Variants in ZMIZ2 observed in about 807,000 individuals in gnomAD.
The protein encoded by ZMIZ2 is zinc finger MIZ-type containing 2.
A neutral mutation model predicts 93.9 loss-of-function variants in ZMIZ2; 26 were observed. The ratio of observed to expected loss-of-function variants is 0.28; its 90% CI spans 0.20 to 0.38. ZMIZ2 has a LOEUF of 0.38. Ranked by LOEUF, ZMIZ2 falls within the 10% of genes least tolerant of loss-of-function variation. The probability of loss-of-function intolerance (pLI) is 1.00; values close to 1 mark genes in which losing one functional copy is unlikely to be tolerated. For missense variants in ZMIZ2, 1,023 were observed against 1,235.0 expected (o/e 0.83, Z 2.57); for synonymous variants, 485 against 516.4 (o/e 0.94, Z 0.82).
intron 7 of ZMIZ2, 27 bp downstream of exon 7, chr7:44,759,487 G>A: frequency 6.9e-7 from 1 of 1,441,178 alleles, no homozygotes; most frequent in South Asian, 1.5e-5. Context: ...CAGGCCCTGT[G>A]CCGGGCTCCG....
Position 44,765,477 on chromosome 7 carries a change from C to T in ZMIZ2, c.2140C>T (p.Pro714Ser). 6.2e-7 allele frequency: 1 copy of T among 1,602,988 alleles called. No homozygotes were observed. Among genetic ancestry groups the T allele is most frequent in the Non-Finnish European group, 8.5e-7 (1 of 1,179,788 alleles). The change falls in exon 16 of 19, where the codon CCC (proline) becomes TCC (serine). Residue 714 changes from proline to serine, a missense_variant. This residue lies in a region of ZMIZ2 where 319 missense variants were observed against 358.8 expected (regional missense o/e 0.89). Transcript: ENST00000309315. The surrounding 1 kb of genome is among the most constrained non-coding windows in gnomAD (Gnocchi z 4.1). ...RTVSPAHVLM[P>S]SVMEMIAALG... ...CGTGAGCCCCGCCCACGTGCTCATG[C>T]CCAGCGTGATGGAGATGATCGCCGC...
chr7:44,766,327 A>C lies in ZMIZ2; in HGVS notation c.2406A>C (p.Pro802=). Residue 802 remains proline, a synonymous_variant, in exon 17 of 19, where the codon CCA becomes CCC. Coordinates refer to ENST00000309315, the MANE Select transcript of ZMIZ2 (RefSeq NM_031449.4). This position sits in a 1 kb window ranked among gnomAD's most constrained non-coding sequence, Gnocchi z 4.4. ...LTSEKSTACL[P]SQMAPAGHLD... ...CAGAGAAGTCTACCGCCTGCCTCCC[A>C]AGCCAGGTCAGTGCCAAGCCGAGAG... 1 of 1,597,438 alleles carries C rather than the reference A, an allele frequency of 6.3e-7. No individual in the cohort carries two copies.
chr7:44,749,654 C>T (rs530268828), intron 1 of ZMIZ2, among the ~76,000 whole-genome samples: 35 of 152,328 alleles, frequency 2.3e-4, no homozygotes, highest in Middle Eastern at 6.8e-3. Flanking sequence ...CACCGCGGCA[C>T]CCCCACCCGG....
rs1791884660 is a variant in ZMIZ2, at chr7:44,767,982, C to T, written c.*359C>T. 5.6e-6 allele frequency: 2 copies of T among 356,986 alleles called. No individual in the cohort carries two copies. The highest frequency in any genetic ancestry group is 1.1e-5 in the Non-Finnish European group (2 of 186,706). The allele number at this position is 356,986 out of a possible 1,614,324, so 22.1% of individuals were successfully genotyped here. On this transcript the variant is annotated 3_prime_UTR_variant, in exon 19 of 19. Transcript: ENST00000309315. ...CCTTCCACCCCTGCCTGCCCCCACC[C>T]AGCCTGCTTCTTGTCCAGCATTGAT...
rs1583667733 is a variant in ZMIZ2 at position 44,767,836 on chromosome 7, A to G, written c.*213A>G. 1.7e-6 allele frequency: 1 copy of G among 590,836 alleles called. No individual in the cohort carries two copies. Among genetic ancestry groups the G allele is most frequent in the Non-Finnish European group, 3.0e-6 (1 of 331,106 alleles). The allele number at this position is 590,836 out of a possible 1,614,324, so 36.6% of individuals were successfully genotyped here. A position where few individuals can be genotyped will look rare whatever the true frequency, so the allele number is the denominator to read the frequency against. On this transcript the variant is annotated 3_prime_UTR_variant, in exon 19 of 19. Coordinates refer to ENST00000309315, the MANE Select transcript of ZMIZ2 (RefSeq NM_031449.4). The stretch of plus-strand genomic sequence containing the variant: ...GGCTCCCAGGCCGGCAGCCCTTGCC[A>G]CCTCCCTCTGCCAAGCCTGCTGCTG...
intron 5 of ZMIZ2, 59 bp downstream of exon 5, chr7:44,757,620 T>A: frequency 6.6e-7 from 1 of 1,526,058 alleles, no homozygotes; most frequent in Non-Finnish European, 8.8e-7. Flanking sequence ...TGGGAGGAGG[T>A]ACTCAGCCAG....
intron 1 of ZMIZ2, among the ~76,000 whole-genome samples, chr7:44,755,043 C>T (rs1215487030): frequency 1.3e-5 from 2 of 152,138 alleles, no homozygotes; most frequent in African/African-American, 2.4e-5. Context: ...TGTCGGAAGG[C>T]GTGGCACTCA....
chr7:44,757,728 T>G, intron 5 of ZMIZ2, 120 bp from the exon 6 acceptor site: 1 of 1,451,306 alleles, frequency 6.9e-7, no homozygotes, highest in Non-Finnish European at 9.1e-7. Flanking sequence ...GGGGAGAGGT[T>G]TCTGGGGTGT....
chr7:44,755,546 C>T (rs1332324254), intron 1 of ZMIZ2, among the ~76,000 whole-genome samples: 1 of 152,172 alleles, frequency 6.6e-6, no homozygotes, highest in South Asian at 2.1e-4. Flanking sequence ...ACTGGCCCCA[C>T]ACCCCATTTC....
rs548161213 is a variant in ZMIZ2, at chr7:44,762,580, G to A, written c.1597-301G>A. Among the ~76,000 whole-genome samples, 7 of 152,348 alleles carry A rather than the reference G, an allele frequency of 4.6e-5. No individual in the cohort carries two copies. The East Asian group carries it at 1.4e-3, about 29-fold the overall frequency. On this transcript the variant is annotated intron_variant, in intron 11 of 18. Coordinates refer to ENST00000309315, the MANE Select transcript of ZMIZ2 (RefSeq NM_031449.4). ...AGGGGGAACGTTCAAGGGGACTTGA[G>A]GTGATTCTCTTCATGGAGAAGTGGT...
At position 44,765,389 on chromosome 7, in the gene ZMIZ2, C is replaced by T. The variant is rs371659087; in HGVS notation, c.2052C>T (p.Pro684=). 694 of 1,613,308 alleles carry T rather than the reference C, an allele frequency of 4.3e-4. No individual in the cohort carries two copies. The highest frequency in any genetic ancestry group is 5.6e-4 in the Non-Finnish European group (655 of 1,180,020). The stretch of plus-strand genomic sequence containing the variant: ...CCACGTGCAGCTGGAAGCCAGTGCC[C>T]GTGAAGCCTGACATGCACATCAAGG... ...IDPTCSWKPV[P]VKPDMHIKEE... is the part of the protein sequence containing the mutation. Residue 684 remains proline (P), a synonymous_variant, in exon 16 of 19, where the codon CCC becomes CCT. Coordinates refer to ENST00000309315, the MANE Select transcript of ZMIZ2 (RefSeq NM_031449.4). This position sits in a 1 kb window ranked among gnomAD's most constrained non-coding sequence, Gnocchi z 4.1.
At chr7:44,764,730 A>C (rs1033198691) in intron 14 of ZMIZ2, among the ~76,000 whole-genome samples, 4 of 152,104 alleles carry the variant, frequency 2.6e-5, no homozygotes, top group Admixed American at 6.5e-5. Flanking sequence ...ATCACCTCGT[A>C]TTTTCACCTC....
At chr7:44,760,292 G>A (rs1413784511) in intron 8 of ZMIZ2, 64 bp downstream of exon 8, 14 of 1,571,348 alleles carry the variant, frequency 8.9e-6, no homozygotes, top group East Asian at 4.5e-5. Context: ...GAGAGAGGGC[G>A]ACCGGGCAGG....
chr7:44,766,996 G>A lies in ZMIZ2; in HGVS notation c.2655+333G>A, dbSNP rs1791777889. 6.6e-6 allele frequency among the ~76,000 whole-genome samples: 1 copy of A among 152,110 alleles called. No homozygotes were observed. The stretch of plus-strand genomic sequence containing the variant: ...TAGCCCTGGGTCTTGACTCACAGGT[G>A]GAATGGGAGTGCAAACTCAGTACAT... On this transcript the variant is annotated intron_variant, in intron 18 of 18. Transcript: ENST00000309315. This position sits in a 1 kb window ranked among gnomAD's most constrained non-coding sequence, Gnocchi z 4.4.
Position 44,765,597 on chromosome 7 carries a change from G to T in ZMIZ2, c.2242+18G>T, listed in dbSNP as rs1354548800. The T allele has an allele frequency of 2.5e-6, 4 of 1,582,502 alleles. No individual in the cohort carries two copies. Among genetic ancestry groups the T allele is most frequent in the Non-Finnish European group, 2.6e-6 (3 of 1,171,058 alleles). Reference sequence around the variant, plus strand: ...TGGCCAGGGTAAGTACAGCAGGCTAGCCTTGAACCTCAGATGACCCTGGGC... The same window carrying T: ...TGGCCAGGGTAAGTACAGCAGGCTATCCTTGAACCTCAGATGACCCTGGGC... On this transcript the variant is annotated intron_variant, in intron 16 of 18. Coordinates refer to ENST00000309315, the MANE Select transcript of ZMIZ2 (RefSeq NM_031449.4). This position sits in a 1 kb window ranked among gnomAD's most constrained non-coding sequence, Gnocchi z 4.1.
Position 44,765,097 on chromosome 7 carries a change from A to T in ZMIZ2, c.1997+88A>T. On this transcript the variant is annotated intron_variant, in intron 15 of 18. Transcript: ENST00000309315. This position sits in a 1 kb window ranked among gnomAD's most constrained non-coding sequence, Gnocchi z 4.1. ...TCGGGGGATGTCCCTTGCCAAGTGC[A>T]GCCTTCCAGCCTTTTTCCGGCATGG... The T allele has an allele frequency of 3.9e-6, 6 of 1,551,292 alleles. No individual in the cohort carries two copies. Among genetic ancestry groups the T allele is most frequent in the Non-Finnish European group, 5.3e-6 (6 of 1,130,910 alleles).
chr7:44,759,074 T>G (rs1424239357), intron 6 of ZMIZ2, among the ~76,000 whole-genome samples: 2 of 130,776 alleles, frequency 1.5e-5, no homozygotes, highest in Non-Finnish European at 3.2e-5. Flanking sequence ...AGAGTGAGAC[T>G]GTCTCAAATT....
At chr7:44,762,832 T>C in intron 11 of ZMIZ2, 49 bp from the exon 12 acceptor site, 1 of 1,360,548 alleles carries the variant, frequency 7.3e-7, no homozygotes, top group Non-Finnish European at 9.8e-7. Context: ...CTGGCCAGGG[T>C]GGCCCCTGGC....
intron 2 of ZMIZ2, 34 bp from the exon 3 acceptor site, chr7:44,756,391 C>T: frequency 6.2e-7 from 1 of 1,613,900 alleles, no homozygotes; most frequent in Non-Finnish European, 8.5e-7. Context: ...CAGTGGCTTC[C>T]TGACCCAGGC....
Sources: gnomAD v4.1 joint callset for allele counts (sites outside exome capture counted in the v4.1 genomes callset) on GRCh38, gnomAD v4.1.1 for gene constraint, gnomAD v4.1.1 regional missense constraint, Gnocchi (gnomAD v3.1) non-coding constraint, MANE v1.5 for transcripts, NCBI Gene and HGNC (gene_info 2026-07-23, HGNC 2026-07-21) for gene names.